The following COG5 variants were observed in gnomAD, a reference collection of about 807,000 sequenced individuals.
COG5 encodes the protein component of oligomeric golgi complex 5.
Under a neutral mutation model 110.4 loss-of-function variants are expected in COG5, and 86 were observed. The ratio of observed to expected loss-of-function variants is 0.78; its 90% CI spans 0.65 to 0.93. The LOEUF (loss-of-function observed/expected upper bound fraction) is 0.93, where lower values mean the gene tolerates loss of function less well. COG5 is among the 40% of genes least tolerant of loss of function. COG5 has a pLI of 0.00. For missense variants in COG5, 1,077 were observed against 987.0 expected (o/e 1.09, Z -1.22); for synonymous variants, 360 against 334.6 (o/e 1.08, Z -0.83).
chr7:107,510,605 GCAC>G (rs1307445105), intron 6 of COG5, among the ~76,000 whole-genome samples: 3 of 152,280 alleles, frequency 2.0e-5, no homozygotes, highest in African/African-American at 7.2e-5. Context: ...ATTCTTTTCA[GCAC>G]CACACCACAC....
chr7:107,242,462 C>T (rs576040832), intron 17 of COG5, among the ~76,000 whole-genome samples: 6 of 152,306 alleles, frequency 3.9e-5, no homozygotes, highest in African/African-American at 1.4e-4. Context: ...ATCTCTTCAC[C>T]GGGCAGGCCT....
At chr7:107,389,199 G>A (rs551605968) in intron 7 of COG5, among the ~76,000 whole-genome samples, 2 of 152,102 alleles carry the variant, frequency 1.3e-5, no homozygotes, top group Non-Finnish European at 2.9e-5. Flanking sequence ...GGCTAGGAGG[G>A]ATAGATTTAC....
At chr7:107,380,881 C>T (rs4302780) in intron 7 of COG5, among the ~76,000 whole-genome samples, 1,610 of 152,250 alleles carry the variant, frequency 0.011, 13 homozygotes, top group Middle Eastern at 0.027. Context: ...GGCCAATATC[C>T]CTGATGAACA....
At chr7:107,559,763 CA>C (rs1227213939) in intron 1 of COG5, among the ~76,000 whole-genome samples, 1 of 152,076 alleles carries the variant, frequency 6.6e-6, no homozygotes. Flanking sequence ...GTCAGCCAGA[CA>C]AATGAAAAAA....
intron 19 of COG5, among the ~76,000 whole-genome samples, chr7:107,212,835 C>T (rs1318414380): frequency 6.6e-6 from 1 of 152,196 alleles, no homozygotes; most frequent in Non-Finnish European, 1.5e-5. Flanking sequence ...ATGGTTTCAC[C>T]TTGACCATAT....
intron 6 of COG5, among the ~76,000 whole-genome samples, chr7:107,506,718 G>C (rs543941484): frequency 6.6e-6 from 1 of 152,066 alleles, no homozygotes; most frequent in Admixed American, 6.5e-5. Flanking sequence ...CCTTCCCTGC[G>C]GGAAAACAGG....
intron 12 of COG5, among the ~76,000 whole-genome samples, chr7:107,296,065 C>T (rs891359959): frequency 4.0e-5 from 6 of 151,824 alleles, no homozygotes; most frequent in Non-Finnish European, 8.8e-5. Context: ...AGTTCACGGT[C>T]TTTCTTCTTT....
chr7:107,541,016 T>C (rs1396708600), intron 5 of COG5, among the ~76,000 whole-genome samples: 4 of 152,022 alleles, frequency 2.6e-5, no homozygotes, highest in Non-Finnish European at 5.9e-5. Flanking sequence ...CCAGGTGTTG[T>C]GGCACATGCC....
intron 6 of COG5, among the ~76,000 whole-genome samples, chr7:107,512,666 C>T (rs907837048): frequency 3.9e-5 from 6 of 152,188 alleles, no homozygotes; most frequent in Non-Finnish European, 7.3e-5. Flanking sequence ...GCTACAGTAA[C>T]CAAAGCAGCA....
At chr7:107,293,139 T>C (rs1806313872) in intron 12 of COG5, among the ~76,000 whole-genome samples, 1 of 152,154 alleles carries the variant, frequency 6.6e-6, no homozygotes, top group South Asian at 2.1e-4. Flanking sequence ...TCAGTTTATA[T>C]TTCCCAGCAA....
intron 12 of COG5, among the ~76,000 whole-genome samples, 199 bp from the exon 13 acceptor site, chr7:107,283,931 C>CTTTTTTTTTT: frequency 7.0e-6 from 1 of 142,688 alleles, no homozygotes; most frequent in Admixed American, 7.2e-5. Flanking sequence ...CCATAGTAAC[C>CTTTTTTTTTT]TTTTTTTTTT....
intron 6 of COG5, among the ~76,000 whole-genome samples, chr7:107,500,015 C>T (rs756037634): frequency 1.2e-4 from 19 of 152,078 alleles, no homozygotes; most frequent in Non-Finnish European, 2.1e-4. Context: ...ATTAAGTAGT[C>T]CCTTCCTTGA....
At chr7:107,363,401 T>C (rs1388555491) in intron 8 of COG5, among the ~76,000 whole-genome samples, 1 of 152,180 alleles carries the variant, frequency 6.6e-6, no homozygotes. Flanking sequence ...TGGAGGGGGC[T>C]TCCACAACAC....
chr7:107,226,513 C>T (rs1430780866), intron 19 of COG5, among the ~76,000 whole-genome samples: 1 of 152,196 alleles, frequency 6.6e-6, no homozygotes, highest in South Asian at 2.1e-4. Flanking sequence ...ATTTACTCCT[C>T]TCTAGGAAGG....
chr7:107,539,602 A>C (rs1256624762), intron 5 of COG5, among the ~76,000 whole-genome samples: 1 of 152,110 alleles, frequency 6.6e-6, no homozygotes, highest in Non-Finnish European at 1.5e-5. Flanking sequence ...GGGTAATGAA[A>C]ATATTCTGGC....
At chr7:107,284,377 A>C (rs1805450483) in intron 12 of COG5, among the ~76,000 whole-genome samples, 1 of 152,184 alleles carries the variant, frequency 6.6e-6, no homozygotes, top group Admixed American at 6.5e-5. Flanking sequence ...TGTAAATCAT[A>C]CCTATAGAGT....
chr7:107,393,228 T>A (rs1790752895), intron 7 of COG5, among the ~76,000 whole-genome samples: 1 of 152,184 alleles, frequency 6.6e-6, no homozygotes, highest in African/African-American at 2.4e-5. Context: ...GTCTACCTAT[T>A]TTTTCAATGT....
chr7:107,428,168 G>A (rs141384320), intron 6 of COG5, among the ~76,000 whole-genome samples: 13 of 152,168 alleles, frequency 8.5e-5, no homozygotes, highest in Admixed American at 2.0e-4. Context: ...TATGGTATGC[G>A]GATTTATATA....
At chr7:107,231,685 A>T (rs922690388) in intron 18 of COG5, among the ~76,000 whole-genome samples, 1 of 152,176 alleles carries the variant, frequency 6.6e-6, no homozygotes, top group African/African-American at 2.4e-5. Context: ...AAATTGCTTA[A>T]AATCTCCTTG....
Sources: allele counts gnomAD v4.1 joint callset (sites outside exome capture counted in the v4.1 genomes callset), GRCh38; gene constraint gnomAD v4.1.1; transcripts MANE v1.5; gene names NCBI Gene and HGNC (gene_info 2026-07-23, HGNC 2026-07-21).